Variants in PRKAR1B observed in about 807,000 individuals in gnomAD.
PRKAR1B encodes the protein protein kinase cAMP-dependent type I regulatory subunit beta.
PRKAR1B carries 22 observed loss-of-function variants against 46.5 expected under a neutral mutation model. That is an observed-to-expected ratio of 0.47 (90% CI 0.34 to 0.68). PRKAR1B has a LOEUF of 0.68. Ranked by LOEUF, PRKAR1B falls within the 30% of genes least tolerant of loss-of-function variation. The pLI, the probability that PRKAR1B is intolerant of heterozygous loss-of-function variation, is 0.01. For synonymous variants in PRKAR1B, 259 were observed against 217.7 expected, an observed-to-expected ratio of 1.19 and a Z score of -1.67; for missense variants, 445 against 535.6, an observed-to-expected ratio of 0.83 and a Z score of 1.67.
chr7:617,429 C>T (rs941781651), intron 4 of PRKAR1B, among the ~76,000 whole-genome samples: 1 of 151,888 alleles, frequency 6.6e-6, no homozygotes, highest in African/African-American at 2.4e-5. Flanking sequence ...CTTAGCCTCC[C>T]AAGCAGATGG....
chr7:625,534 A>G (rs1783338621), intron 4 of PRKAR1B, among the ~76,000 whole-genome samples: 1 of 152,186 alleles, frequency 6.6e-6, no homozygotes, highest in African/African-American at 2.4e-5. Context: ...AGACATCACT[A>G]CAGGTCCCAT....
rs942880356 is a variant in PRKAR1B, at chr7:644,497, C to T, written c.440+32732G>A. Among the ~76,000 whole-genome samples the T allele has an allele frequency of 6.6e-6, 1 of 152,186 alleles. No homozygotes were observed. The highest frequency in any genetic ancestry group is 1.5e-5 in the Non-Finnish European group (1 of 68,020). Reference sequence around the variant, plus strand: ...GGGAAGCCCCACTCGGACGCCATCCCGGGGTCCAGCATCCCTCCGAGGGCC... The same window carrying T: ...GGGAAGCCCCACTCGGACGCCATCCTGGGGTCCAGCATCCCTCCGAGGGCC... On this transcript the variant is annotated intron_variant, in intron 4 of 10. Transcript: ENST00000537384. The surrounding 1 kb of genome is among the most constrained non-coding windows in gnomAD (Gnocchi z 4.9).
At chr7:693,543 G>A (rs115811534) in intron 2 of PRKAR1B, among the ~76,000 whole-genome samples, 5,068 of 152,146 alleles carry the variant, frequency 0.033, 310 homozygotes, top group African/African-American at 0.12. Flanking sequence ...CTGGCATTAC[G>A]TGTCCCAGGT....
Position 666,424 on chromosome 7 carries a change from G to T in PRKAR1B, c.440+10805C>A, listed in dbSNP as rs554349806. On this transcript the variant is annotated intron_variant, in intron 4 of 10. Transcript: ENST00000537384. This position sits in a 1 kb window ranked among gnomAD's most constrained non-coding sequence, Gnocchi z 4.9. ...TAACTGCCCCGGGCACCCCAGGTAG[G>T]ATGCGGAATCTGCTTCGCTCCAATA... 6.6e-6 allele frequency among the ~76,000 whole-genome samples: 1 copy of T among 152,246 alleles called. No individual in the cohort carries two copies. The highest frequency in any genetic ancestry group is 6.5e-5 in the Admixed American group (1 of 15,306).
chr7:694,619 C>G (rs1008701911), intron 2 of PRKAR1B, among the ~76,000 whole-genome samples: 2 of 152,166 alleles, frequency 1.3e-5, no homozygotes, highest in African/African-American at 4.8e-5. Context: ...CCTTCCCCCA[C>G]CCACCTCCAG....
Position 647,448 on chromosome 7 carries a change from G to A in PRKAR1B, c.440+29781C>T, listed in dbSNP as rs550068176. ...AACACCCCCCAGCAGCTCCCACTCC[G>A]TCCGGTCTTTAATCCCATAACCATG... On this transcript the variant is annotated intron_variant, in intron 4 of 10. Transcript: ENST00000537384. Among the ~76,000 whole-genome samples the A allele has an allele frequency of 1.3e-4, 19 of 151,862 alleles. No homozygotes were observed. In the East Asian group the frequency reaches 3.3e-3, roughly 26 times the overall value.
chr7:616,887 C>T (rs1782852827), intron 4 of PRKAR1B, among the ~76,000 whole-genome samples: 1 of 152,112 alleles, frequency 6.6e-6, no homozygotes, highest in South Asian at 2.1e-4. Context: ...CTTTATTCTC[C>T]ATCCAATCAA....
chr7:728,366 T>G (rs562962469), upstream of PRKAR1B, among the ~76,000 whole-genome samples: 2 of 152,248 alleles, frequency 1.3e-5, no homozygotes, highest in East Asian at 3.9e-4. Flanking sequence ...ATGGTCTGAA[T>G]GTAGTGGGAA....
chr7:570,832 C>A (rs1450941443), intron 9 of PRKAR1B, among the ~76,000 whole-genome samples: 1 of 152,036 alleles, frequency 6.6e-6, no homozygotes, highest in African/African-American at 2.4e-5. Context: ...CTCCCGGTAT[C>A]CAGGCCCCTG....
chr7:680,013 C>G (rs1381352620), intron 3 of PRKAR1B, among the ~76,000 whole-genome samples: 2 of 152,026 alleles, frequency 1.3e-5, no homozygotes. Context: ...AAAAAATTAG[C>G]TGGGTGTGGT....
At chr7:558,312 C>A (rs560848569) in intron 9 of PRKAR1B, among the ~76,000 whole-genome samples, 1 of 103,640 alleles carries the variant, frequency 9.6e-6, no homozygotes, top group Non-Finnish European at 1.8e-5. Context: ...GGTGACAGAG[C>A]GAGACCCTGT....
chr7:616,458 G>C (rs1218848602), intron 4 of PRKAR1B, among the ~76,000 whole-genome samples: 1 of 152,254 alleles, frequency 6.6e-6, no homozygotes, highest in African/African-American at 2.4e-5. Context: ...GACCAGCTGG[G>C]AAACAGTGAT....
chr7:728,030 C>T (rs1781421090), upstream of PRKAR1B, among the ~76,000 whole-genome samples: 1 of 152,062 alleles, frequency 6.6e-6, no homozygotes, highest in South Asian at 2.1e-4. Context: ...TCCCATTCAT[C>T]CTACTCCCCT....
chr7:664,973 C>T (rs965627551), intron 4 of PRKAR1B, among the ~76,000 whole-genome samples: 3 of 152,102 alleles, frequency 2.0e-5, no homozygotes, highest in Admixed American at 1.3e-4. Flanking sequence ...GCAAGATCCA[C>T]GCAGGCCACG....
intron 2 of PRKAR1B, chr7:691,731 G>C: frequency 8.0e-7 from 1 of 1,242,698 alleles, no homozygotes; most frequent in South Asian, 1.4e-5. Context: ...CCCGGGGAGG[G>C]GAATCCAGGG....
In PRKAR1B at chr7:685,385, C is replaced by CATATATATATAT. The variant is rs10586228; in HGVS notation, c.178-4671_178-4660dup. Among the ~76,000 whole-genome samples the CATATATATATAT allele has an allele frequency of 8.8e-5, 7 of 79,512 alleles. 1 individual carries two copies. Among genetic ancestry groups the CATATATATATAT allele is most frequent in the Admixed American group, 1.3e-4 (1 of 7,530 alleles). 52.2% of individuals were successfully genotyped at this position (79,512 alleles called of 152,430 possible). A position where few individuals can be genotyped will look rare whatever the true frequency, so the allele number is the denominator to read the frequency against. On this transcript the variant is annotated intron_variant, in intron 2 of 10. Transcript: ENST00000537384. ...ATATACACATATATATATATACATA[C>CATATATATATAT]ATATATATATATATATGTATATATA...
At chr7:705,818 G>C (rs371434194) in intron 2 of PRKAR1B, among the ~76,000 whole-genome samples, 3 of 152,172 alleles carry the variant, frequency 2.0e-5, no homozygotes, top group South Asian at 4.1e-4. Flanking sequence ...CCTGAGGTCA[G>C]GAGTTCAAGA....
chr7:551,025 G>A (rs541989973), intron 10 of PRKAR1B, among the ~76,000 whole-genome samples: 1 of 151,728 alleles, frequency 6.6e-6, no homozygotes, highest in East Asian at 1.9e-4. Flanking sequence ...GAATGCCCAG[G>A]TGCACCCAGG....
intron 2 of PRKAR1B, among the ~76,000 whole-genome samples, chr7:705,712 T>C (rs1583444966): frequency 6.6e-6 from 1 of 152,094 alleles, no homozygotes; most frequent in Admixed American, 6.6e-5. Context: ...GCAATAAAAA[T>C]GCAGGACCTG....
Sources: allele counts gnomAD v4.1 joint callset (sites outside exome capture counted in the v4.1 genomes callset), GRCh38; gene constraint gnomAD v4.1.1; non-coding constraint Gnocchi (gnomAD v3.1); transcripts MANE v1.5; gene names NCBI Gene and HGNC (gene_info 2026-07-23, HGNC 2026-07-21).